Variants in DLGAP1 observed in about 807,000 individuals in gnomAD.
The protein encoded by DLGAP1 is DLG associated protein 1.
Under a neutral mutation model 90.8 loss-of-function variants are expected in DLGAP1, and 11 were observed. That is an observed-to-expected ratio of 0.12 (90% CI 0.08 to 0.20). The LOEUF (loss-of-function observed/expected upper bound fraction) is 0.20. DLGAP1 is among the 10% of genes least tolerant of loss of function. The probability of loss-of-function intolerance (pLI) is 1.00; values close to 1 mark genes in which losing one functional copy is unlikely to be tolerated. For synonymous variants in DLGAP1, 558 were observed against 540.7 expected (o/e 1.03, Z -0.44); for missense variants, 1,050 against 1,333.8 (o/e 0.79, Z 3.31).
At chr18:4,404,037 C>A (rs917824918) in intron 1 of DLGAP1, among the ~76,000 whole-genome samples, 2 of 152,138 alleles carry the variant, frequency 1.3e-5, no homozygotes, top group Non-Finnish European at 2.9e-5. Flanking sequence ...TGCCAAATTG[C>A]TCTCAGGATC....
intron 1 of DLGAP1, among the ~76,000 whole-genome samples, chr18:4,408,593 G>T (rs1406189106): frequency 6.6e-6 from 1 of 151,754 alleles, no homozygotes; most frequent in Non-Finnish European, 1.5e-5. Flanking sequence ...GACAGCAAAA[G>T]GTTTATAGTT....
At chr18:4,442,481 G>A (rs1483704305) in intron 1 of DLGAP1, among the ~76,000 whole-genome samples, 3 of 152,148 alleles carry the variant, frequency 2.0e-5, no homozygotes, top group Non-Finnish European at 4.4e-5. Context: ...AACCTAGTGG[G>A]AGATCAAAAT....
At chr18:4,092,107 C>T (rs2075781141) in intron 2 of DLGAP1, among the ~76,000 whole-genome samples, 1 of 152,092 alleles carries the variant, frequency 6.6e-6, no homozygotes, top group East Asian at 1.9e-4. Flanking sequence ...CAGTATATTA[C>T]TAGCTTCAAA....
At chr18:3,986,551 C>T (rs2073847153) in intron 3 of DLGAP1, 1 of 151,968 alleles carries the variant, frequency 6.6e-6, no homozygotes, top group Non-Finnish European at 1.5e-5. Flanking sequence ...CGGCTTCATG[C>T]TTTTATTTTC....
At chr18:4,037,260 ATAAT>A (rs2074903743) in intron 2 of DLGAP1, among the ~76,000 whole-genome samples, 1 of 152,240 alleles carries the variant, frequency 6.6e-6, no homozygotes, top group Admixed American at 6.5e-5. Flanking sequence ...CAGAAAGTTA[ATAAT>A]TAATATTATT....
intron 5 of DLGAP1, among the ~76,000 whole-genome samples, chr18:3,765,438 G>A (rs142715359): frequency 1.3e-5 from 2 of 151,670 alleles, no homozygotes; most frequent in Non-Finnish European, 2.9e-5. Context: ...CTCCACACTT[G>A]CACACTTTTA....
intron 1 of DLGAP1, among the ~76,000 whole-genome samples, chr18:4,427,283 C>T (rs572127978): frequency 6.6e-6 from 1 of 152,192 alleles, no homozygotes; most frequent in East Asian, 1.9e-4. Flanking sequence ...GTAAGTCCAC[C>T]TTGGGAGAAG....
intron 1 of DLGAP1, among the ~76,000 whole-genome samples, chr18:4,291,647 C>T (rs1207795029): frequency 6.6e-6 from 1 of 151,948 alleles, no homozygotes; most frequent in African/African-American, 2.4e-5. Flanking sequence ...AAAGTAGGTA[C>T]AGTTGTAGCT....
chr18:3,591,913 C>G (rs1369973779), intron 7 of DLGAP1, among the ~76,000 whole-genome samples: 1 of 151,890 alleles, frequency 6.6e-6, no homozygotes, highest in East Asian at 1.9e-4. Context: ...ATATGAGGAC[C>G]TCATAACAGA....
At chr18:3,592,468 G>A (rs1409672230) in intron 7 of DLGAP1, among the ~76,000 whole-genome samples, 4 of 152,220 alleles carry the variant, frequency 2.6e-5, no homozygotes, top group Non-Finnish European at 4.4e-5. Flanking sequence ...GTCCAGACCC[G>A]TGACATGCCA....
chr18:3,689,256 C>T (rs996461206), intron 7 of DLGAP1, among the ~76,000 whole-genome samples: 2 of 152,182 alleles, frequency 1.3e-5, no homozygotes, highest in African/African-American at 4.8e-5. Flanking sequence ...ACTCCTAAAC[C>T]TCAAACTGTA....
chr18:4,218,405 G>A (rs2078003565), intron 1 of DLGAP1, among the ~76,000 whole-genome samples: 1 of 151,920 alleles, frequency 6.6e-6, no homozygotes, highest in African/African-American at 2.4e-5. Flanking sequence ...TTACAATGTA[G>A]AATGATTAAA....
At chr18:4,398,441 T>G (rs552915819) in intron 1 of DLGAP1, among the ~76,000 whole-genome samples, 1 of 152,368 alleles carries the variant, frequency 6.6e-6, no homozygotes, top group South Asian at 2.1e-4. Flanking sequence ...GGATATGCTA[T>G]GGACATACCA....
intron 10 of DLGAP1, among the ~76,000 whole-genome samples, chr18:3,524,297 G>T: frequency 6.6e-6 from 1 of 151,582 alleles, no homozygotes. Context: ...AAGAAAGAAA[G>T]AAATTGTGGT....
chr18:4,020,429 G>A (rs2074590881), intron 2 of DLGAP1, among the ~76,000 whole-genome samples: 1 of 152,338 alleles, frequency 6.6e-6, no homozygotes, highest in Middle Eastern at 3.4e-3. Flanking sequence ...ACCGTTATGT[G>A]CCAGGTCCTG....
At chr18:4,239,322 T>A (rs919108840) in intron 1 of DLGAP1, among the ~76,000 whole-genome samples, 3 of 152,206 alleles carry the variant, frequency 2.0e-5, no homozygotes, top group Admixed American at 6.5e-5. Flanking sequence ...TTAAAAAAAA[T>A]TAGTTTTTTT....
chr18:3,566,375 T>TAC (rs930255775), intron 9 of DLGAP1, among the ~76,000 whole-genome samples: 36 of 151,374 alleles, frequency 2.4e-4, no homozygotes, highest in South Asian at 6.2e-4. Flanking sequence ...TGCCATATTA[T>TAC]ACACACACAC....
chr18:3,546,544 T>C (rs987066253), intron 9 of DLGAP1, among the ~76,000 whole-genome samples: 1 of 152,090 alleles, frequency 6.6e-6, no homozygotes, highest in Non-Finnish European at 1.5e-5. Flanking sequence ...AAAAAGTATG[T>C]TGTCTGACCA....
chr18:3,900,973 T>A (rs1030903265), intron 3 of DLGAP1, among the ~76,000 whole-genome samples: 1 of 152,072 alleles, frequency 6.6e-6, no homozygotes, highest in Non-Finnish European at 1.5e-5. Flanking sequence ...TCTGATCATG[T>A]CCCTTCCCTG....
Sources: allele counts gnomAD v4.1 joint callset (sites outside exome capture counted in the v4.1 genomes callset), GRCh38; gene constraint gnomAD v4.1.1; transcripts MANE v1.5; gene names NCBI Gene and HGNC (gene_info 2026-07-23, HGNC 2026-07-21).